SENP7: variants seen among roughly 807,000 people sequenced by gnomAD.
The protein encoded by SENP7 is sentrin-specific protease 7.
A neutral mutation model predicts 141.2 loss-of-function variants in SENP7; 64 were observed. That is an observed-to-expected ratio of 0.45 (90% confidence interval 0.37 to 0.56). SENP7 has a LOEUF of 0.56. Among genes scored for constraint, SENP7 ranks in the 20% least tolerant of loss-of-function variants. SENP7 has a pLI of 0.00. For synonymous variants in SENP7, 382 were observed against 426.4 expected (o/e 0.90, Z 1.28); for missense variants, 1,025 against 1,212.2 (o/e 0.85, Z 2.29).
Position 101,343,688 on chromosome 3 carries a change from G to T in SENP7, c.2104C>A (p.Gln702Lys). The T allele has an allele frequency of 1.2e-6, 2 of 1,610,218 alleles. No individual in the cohort carries two copies. The highest frequency in any genetic ancestry group is 3.4e-5 in the Admixed American group (2 of 59,428). The change falls in exon 14 of 24, where the codon CAG (glutamine) becomes AAG (lysine). Residue 702 changes from glutamine to lysine, a missense_variant and splice_region_variant. By Grantham distance (53) the Gln-to-Lys change is moderately conservative. Transcript: ENST00000394095. ...AATTATATTAATGATATGCTAACCTGAGATACTGATTTCAGCTTCATTTCT... is the reference window on the plus strand; with the variant it reads ...AATTATATTAATGATATGCTAACCTTAGATACTGATTTCAGCTTCATTTCT... ...AEEMKLKSVS[Q>K]PSNTDAAKPT...
intron 3 of SENP7, among the ~76,000 whole-genome samples, chr3:101,470,367 C>T (rs550092768): frequency 1.9e-4 from 29 of 152,120 alleles, no homozygotes; most frequent in Non-Finnish European, 4.1e-4. Context: ...AATCAATAAA[C>T]GTAATGCATC....
intron 4 of SENP7, among the ~76,000 whole-genome samples, chr3:101,420,133 C>T (rs903943242): frequency 6.6e-6 from 1 of 152,162 alleles, no homozygotes; most frequent in Non-Finnish European, 1.5e-5. Context: ...TTTGGGAGGC[C>T]AAGGCAGGTG....
intron 4 of SENP7, among the ~76,000 whole-genome samples, chr3:101,430,276 T>C (rs1413871778): frequency 6.6e-6 from 1 of 152,222 alleles, no homozygotes; most frequent in Non-Finnish European, 1.5e-5. Flanking sequence ...CAGCTCTTCT[T>C]TGTATTTCTG....
At chr3:101,503,218 A>G (rs2065461065) in intron 1 of SENP7, among the ~76,000 whole-genome samples, 1 of 152,230 alleles carries the variant, frequency 6.6e-6, no homozygotes, top group Non-Finnish European at 1.5e-5. Flanking sequence ...AAACCATTAA[A>G]CAGCCTTTAG....
intron 4 of SENP7, among the ~76,000 whole-genome samples, chr3:101,446,777 G>A (rs1353386381): frequency 6.6e-6 from 1 of 152,080 alleles, no homozygotes; most frequent in East Asian, 1.9e-4. Flanking sequence ...AGTGTTGAGA[G>A]AGAAATGCAC....
rs182259288 is a variant in SENP7 at position 101,427,269 on chromosome 3, G to A, written c.285-9479C>T. 1.5e-4 allele frequency among the ~76,000 whole-genome samples: 23 copies of A among 152,170 alleles called. No individual in the cohort carries two copies. In the East Asian group the frequency reaches 1.7e-3, roughly 12 times the overall value. The stretch of plus-strand genomic sequence containing the variant: ...TTGGGGAGACCGAGGCAAGAGGATT[G>A]CCTGAGCTCAGGAGTTTGAGACCAG... On this transcript the variant is annotated intron_variant, in intron 4 of 23. Coordinates refer to ENST00000394095, the MANE Select transcript of SENP7 (RefSeq NM_020654.5).
At chr3:101,415,104 T>G (rs554096262) in intron 5 of SENP7, among the ~76,000 whole-genome samples, 4 of 150,102 alleles carry the variant, frequency 2.7e-5, no homozygotes, top group African/African-American at 9.8e-5. Flanking sequence ...GTCACTAACT[T>G]AGAAGGGAAA....
chr3:101,480,963 C>CA (rs60964718), intron 3 of SENP7, among the ~76,000 whole-genome samples: 1,588 of 79,330 alleles, frequency 0.02, 26 homozygotes, highest in African/African-American at 0.059. Context: ...ATCAGAAAGA[C>CA]AAAAAAAAAA....
chr3:101,414,871 A>T (rs1559790616), intron 5 of SENP7, among the ~76,000 whole-genome samples: 1 of 152,194 alleles, frequency 6.6e-6, no homozygotes, highest in African/African-American at 2.4e-5. Context: ...TTTAGATCTT[A>T]TATTTCCTGT....
intron 3 of SENP7, among the ~76,000 whole-genome samples, chr3:101,479,153 C>CT (rs1157489903): frequency 2.0e-5 from 3 of 152,164 alleles, no homozygotes; most frequent in Non-Finnish European, 4.4e-5. Context: ...AAACAGGATG[C>CT]ACATATTCAC....
chr3:101,499,437 C>T (rs761356464), intron 2 of SENP7, among the ~76,000 whole-genome samples: 10 of 152,028 alleles, frequency 6.6e-5, no homozygotes, highest in Non-Finnish European at 1.2e-4. Context: ...GGCGCAATCT[C>T]GGCTCACTGC....
chr3:101,410,064 A>AT (rs1300729354), intron 5 of SENP7, among the ~76,000 whole-genome samples: 2 of 152,240 alleles, frequency 1.3e-5, no homozygotes, highest in Non-Finnish European at 2.9e-5. Flanking sequence ...TCCAGAATCT[A>AT]TAATGAATGC....
intron 1 of SENP7, among the ~76,000 whole-genome samples, chr3:101,511,746 C>A (rs1242720673): frequency 6.6e-6 from 1 of 152,228 alleles, no homozygotes; most frequent in East Asian, 1.9e-4. Context: ...GCAATTAAGG[C>A]TGAAAGCAGT....
At chr3:101,382,503 G>A (rs1313562254) in intron 6 of SENP7, among the ~76,000 whole-genome samples, 3 of 152,096 alleles carry the variant, frequency 2.0e-5, no homozygotes, top group Middle Eastern at 3.4e-3. Context: ...AATACAATTC[G>A]GTATATATTA....
intron 3 of SENP7, among the ~76,000 whole-genome samples, chr3:101,466,464 G>A (rs144173281): frequency 1.3e-5 from 2 of 152,222 alleles, no homozygotes; most frequent in Non-Finnish European, 2.9e-5. Flanking sequence ...TACAAGTGCT[G>A]AAAATAAAAT....
intron 5 of SENP7, among the ~76,000 whole-genome samples, chr3:101,410,082 T>G (rs2061412114): frequency 6.6e-6 from 1 of 151,418 alleles, no homozygotes; most frequent in African/African-American, 2.4e-5. Context: ...TGCAAACAAA[T>G]CAACAAGAAA....
chr3:101,444,123 C>CA (rs1442845792), intron 4 of SENP7, among the ~76,000 whole-genome samples: 1 of 133,706 alleles, frequency 7.5e-6, no homozygotes, highest in Admixed American at 8.4e-5. Flanking sequence ...TTTATGCAGC[C>CA]AAAAAACACA....
chr3:101,355,523 G>T (rs926932710), intron 11 of SENP7, among the ~76,000 whole-genome samples: 13 of 151,988 alleles, frequency 8.6e-5, no homozygotes, highest in Admixed American at 8.5e-4. Context: ...ATGGTCATAG[G>T]TGTGCAGCTT....
chr3:101,324,695 C>G lies in SENP7; in HGVS notation c.*1248G>C, dbSNP rs1288341314. On this transcript the variant is annotated 3_prime_UTR_variant, in exon 24 of 24. Transcript: ENST00000394095. ...ACTTTCTAGCTTTATCTTAATTTGC[C>G]TTTGCTTCACTGCTTTATGTAGTTA... 6.6e-6 allele frequency: 1 copy of G among 151,960 alleles called. No homozygotes were observed. The highest frequency in any genetic ancestry group is 1.5e-5 in the Non-Finnish European group (1 of 67,926). 9.4% of individuals were successfully genotyped at this position (151,960 alleles called of 1,614,324 possible).
Sources: gnomAD v4.1 joint callset for allele counts (sites outside exome capture counted in the v4.1 genomes callset) on GRCh38, gnomAD v4.1.1 for gene constraint, MANE v1.5 for transcripts, NCBI Gene and HGNC (gene_info 2026-07-23, HGNC 2026-07-21) for gene names.